Variants in PRKD1 observed in about 807,000 individuals in gnomAD.
PRKD1 encodes protein kinase D1.
A neutral mutation model predicts 95.9 loss-of-function variants in PRKD1; 63 were observed. The ratio of observed to expected loss-of-function variants is 0.66; its 90% CI spans 0.54 to 0.81. The LOEUF is 0.81. Among genes scored for constraint, PRKD1 ranks in the 30% least tolerant of loss-of-function variants. PRKD1 has a pLI of 0.00. For synonymous variants in PRKD1, 425 were observed against 423.1 expected, an observed-to-expected ratio of 1.00 and a Z score of -0.05; for missense variants, 1,048 against 1,165.3, an observed-to-expected ratio of 0.90 and a Z score of 1.47.
intron 2 of PRKD1, among the ~76,000 whole-genome samples, chr14:29,702,519 A>G (rs949720489): frequency 1.3e-5 from 2 of 152,020 alleles, no homozygotes; most frequent in African/African-American, 4.8e-5. Flanking sequence ...AAATAGATGC[A>G]AAATTTTCCA....
chr14:29,899,855 G>T (rs940050158), intron 1 of PRKD1, among the ~76,000 whole-genome samples: 1 of 152,176 alleles, frequency 6.6e-6, no homozygotes, highest in Non-Finnish European at 1.5e-5. Flanking sequence ...ATCCCCATGT[G>T]TTGGGAGAGG....
intron 1 of PRKD1, among the ~76,000 whole-genome samples, chr14:29,825,810 T>C (rs1426186097): frequency 6.6e-6 from 1 of 152,082 alleles, no homozygotes; most frequent in Non-Finnish European, 1.5e-5. Flanking sequence ...TATTGTTCAT[T>C]TCCTCCTCCT....
chr14:29,872,679 A>T (rs114185284), intron 1 of PRKD1, among the ~76,000 whole-genome samples: 1,628 of 152,200 alleles, frequency 0.011, 34 homozygotes, highest in African/African-American at 0.037. Flanking sequence ...AAAGAAAAAA[A>T]AAATCTCCAC....
chr14:29,700,012 A>C (rs1002244779), intron 2 of PRKD1, among the ~76,000 whole-genome samples: 4 of 152,128 alleles, frequency 2.6e-5, no homozygotes, highest in Non-Finnish European at 2.9e-5. Context: ...AAAGAAAGAA[A>C]GGTATAGTAA....
intron 1 of PRKD1, among the ~76,000 whole-genome samples, chr14:29,781,754 A>C (rs1044937799): frequency 6.6e-6 from 1 of 152,262 alleles, no homozygotes. Context: ...TCTACTTCAC[A>C]TGAACATTTC....
intron 2 of PRKD1, among the ~76,000 whole-genome samples, chr14:29,702,018 A>C (rs1884866795): frequency 6.6e-6 from 1 of 152,158 alleles, no homozygotes; most frequent in South Asian, 2.1e-4. Context: ...ATTGTAATAA[A>C]TTAATGATTA....
At chr14:29,750,616 G>GCGCGCACACA (rs72239992) in intron 1 of PRKD1, among the ~76,000 whole-genome samples, 7,728 of 148,370 alleles carry the variant, frequency 0.052, 237 homozygotes, top group South Asian at 0.079. Context: ...ATGAACGCGC[G>GCGCGCACACA]CACACACACA....
intron 16 of PRKD1, among the ~76,000 whole-genome samples, chr14:29,583,369 C>T (rs547757153): frequency 2.0e-5 from 3 of 152,202 alleles, no homozygotes; most frequent in South Asian, 2.1e-4. Context: ...GTACCCTCTT[C>T]GCCTGCTATT....
At position 29,907,211 on chromosome 14, in the gene PRKD1, G is replaced by A. The variant is rs541413288; in HGVS notation, c.264+20038C>T. On this transcript the variant is annotated intron_variant, in intron 1 of 17. Coordinates refer to ENST00000331968, the MANE Select transcript of PRKD1 (RefSeq NM_002742.3). ...ATCCCCAGAAGCGACCCAAATCTCCGGGGCTTCTGTTTGTTTCCTCCAGCA... is the reference window on the plus strand; with the variant it reads ...ATCCCCAGAAGCGACCCAAATCTCCAGGGCTTCTGTTTGTTTCCTCCAGCA... 4.6e-5 allele frequency among the ~76,000 whole-genome samples: 7 copies of A among 151,812 alleles called. No individual in the cohort carries two copies. The South Asian group carries it at 6.2e-4, about 13-fold the overall frequency.
intron 4 of PRKD1, among the ~76,000 whole-genome samples, chr14:29,642,367 A>C (rs1880841103): frequency 1.3e-5 from 2 of 152,212 alleles, no homozygotes; most frequent in South Asian, 4.1e-4. Flanking sequence ...GTACAACATA[A>C]AGCATAATTA....
chr14:29,901,926 T>C (rs1374314820), intron 1 of PRKD1, among the ~76,000 whole-genome samples: 1 of 152,206 alleles, frequency 6.6e-6, no homozygotes, highest in Admixed American at 6.5e-5. Context: ...GCTCTTTGAC[T>C]TTGTACCTCC....
chr14:29,686,253 G>C (rs539772171), intron 2 of PRKD1, among the ~76,000 whole-genome samples: 1 of 152,170 alleles, frequency 6.6e-6, no homozygotes, highest in African/African-American at 2.4e-5. Flanking sequence ...TACATTTGAC[G>C]TGCCCGATTC....
chr14:29,772,345 A>C (rs916060134), intron 1 of PRKD1, among the ~76,000 whole-genome samples: 12 of 152,112 alleles, frequency 7.9e-5, no homozygotes, highest in Non-Finnish European at 1.6e-4. Flanking sequence ...CATCCCTCCC[A>C]CCAAGTGAGG....
At chr14:29,673,518 G>C (rs529555659) in intron 2 of PRKD1, among the ~76,000 whole-genome samples, 1 of 152,118 alleles carries the variant, frequency 6.6e-6, no homozygotes, top group Non-Finnish European at 1.5e-5. Context: ...TTTCCATAGC[G>C]TCCTGGACAC....
chr14:29,761,487 G>C (rs1887978312), intron 1 of PRKD1, among the ~76,000 whole-genome samples: 1 of 152,090 alleles, frequency 6.6e-6, no homozygotes, highest in Non-Finnish European at 1.5e-5. Flanking sequence ...GGAAGGCTGA[G>C]GTGTTTTCAG....
intron 2 of PRKD1, among the ~76,000 whole-genome samples, chr14:29,669,892 CA>C (rs2139229945): frequency 6.6e-6 from 1 of 152,078 alleles, no homozygotes; most frequent in East Asian, 1.9e-4. Context: ...AAAAACAAAA[CA>C]AAACAAAAAC....
chr14:29,773,474 A>C (rs1888600995), intron 1 of PRKD1, among the ~76,000 whole-genome samples: 1 of 151,646 alleles, frequency 6.6e-6, no homozygotes, highest in African/African-American at 2.4e-5. Flanking sequence ...AAAAAAAAAA[A>C]AAGGAGTAAA....
chr14:29,738,577 CT>C (rs1159627345), intron 1 of PRKD1, among the ~76,000 whole-genome samples: 3 of 152,178 alleles, frequency 2.0e-5, no homozygotes, highest in East Asian at 3.9e-4. Flanking sequence ...AATCTTTTAC[CT>C]TTTTTTATTT....
intron 1 of PRKD1, among the ~76,000 whole-genome samples, chr14:29,857,153 T>C (rs1372864175): frequency 6.6e-6 from 1 of 152,184 alleles, no homozygotes; most frequent in Non-Finnish European, 1.5e-5. Flanking sequence ...CATGAATATA[T>C]GTGAAATACT....
Sources: allele counts gnomAD v4.1 joint callset (sites outside exome capture counted in the v4.1 genomes callset), GRCh38; gene constraint gnomAD v4.1.1; transcripts MANE v1.5; gene names NCBI Gene and HGNC (gene_info 2026-07-23, HGNC 2026-07-21).